Variants in TRIM54 observed in about 807,000 individuals in gnomAD.
TRIM54 encodes the protein tripartite motif containing 54, also known as tripartite motif-containing protein 54.
Under a neutral mutation model 42.0 loss-of-function variants are expected in TRIM54, and 40 were observed. The ratio of observed to expected loss-of-function variants is 0.95; its 90% CI spans 0.74 to 1.24. TRIM54 has a LOEUF of 1.24. Among genes scored for constraint, TRIM54 ranks in the 50% most tolerant of loss-of-function variants. The probability of loss-of-function intolerance (pLI) is 0.00; values close to 1 mark genes in which losing one functional copy is unlikely to be tolerated. For synonymous variants in TRIM54, 199 were observed against 194.9 expected, an observed-to-expected ratio of 1.02 and a Z score of -0.17; for missense variants, 485 against 480.3, an observed-to-expected ratio of 1.01 and a Z score of -0.09.
intron 1 of TRIM54, among the ~76,000 whole-genome samples, chr2:27,285,902 G>A (rs1181218044): frequency 6.6e-6 from 1 of 151,926 alleles, no homozygotes; most frequent in African/African-American, 2.4e-5. Flanking sequence ...AAGTTAACTA[G>A]ACAGCCAGGA....
chr2:27,290,800 A>G (rs988292139), intron 1 of TRIM54, among the ~76,000 whole-genome samples: 1 of 152,162 alleles, frequency 6.6e-6, no homozygotes, highest in Admixed American at 6.5e-5. Context: ...TGCTTCCCCT[A>G]TATTGTGCTC....
chr2:27,287,506 C>T (rs1281947651), intron 1 of TRIM54, among the ~76,000 whole-genome samples: 1 of 151,070 alleles, frequency 6.6e-6, no homozygotes, highest in East Asian at 1.9e-4. Flanking sequence ...TGTTCCTGAC[C>T]GAAAAGGGTG....
chr2:27,295,385 C>T (rs1489410606), intron 1 of TRIM54, among the ~76,000 whole-genome samples: 1 of 152,180 alleles, frequency 6.6e-6, no homozygotes, highest in Admixed American at 6.5e-5. Context: ...TGGCTCACTG[C>T]AGCCTCCACC....
At chr2:27,295,692 G>C (rs953882659) in intron 1 of TRIM54, among the ~76,000 whole-genome samples, 3 of 152,146 alleles carry the variant, frequency 2.0e-5, no homozygotes, top group African/African-American at 7.2e-5. Context: ...ATGGAGGTTG[G>C]GGAGAGCGGC....
At chr2:27,299,646 G>A (rs1678972263) in intron 3 of TRIM54, 1 of 805,972 alleles carries the variant, frequency 1.2e-6, no homozygotes. Context: ...AGAACACTAA[G>A]ATTATAGATG....
chr2:27,303,082 A>T (rs554399940), intron 3 of TRIM54, among the ~76,000 whole-genome samples: 4 of 152,292 alleles, frequency 2.6e-5, no homozygotes, highest in Admixed American at 6.5e-5. Context: ...CATAGAAGCA[A>T]AGGAAATCAG....
At chr2:27,283,784 G>GCGCACGCACACACACA (rs367621533) in intron 1 of TRIM54, among the ~76,000 whole-genome samples, 1 of 132,168 alleles carries the variant, frequency 7.6e-6, no homozygotes, top group Admixed American at 7.6e-5. Context: ...ACACACGCGC[G>GCGCACGCACACACACA]CACACACACA....
At position 27,307,433 on chromosome 2, in the gene TRIM54, G is replaced by A. The variant is rs535529151; in HGVS notation, c.*548G>A. On this transcript the variant is annotated 3_prime_UTR_variant, in exon 9 of 9. Transcript: ENST00000380075. The surrounding 1 kb of genome is among the most constrained non-coding windows in gnomAD (Gnocchi z 6.9). ...AGTACTTTTATTAAAAAATAGTCACGCAGACAGTGCCCTGGTGGCTCTGCC... is the reference window on the plus strand; with the variant it reads ...AGTACTTTTATTAAAAAATAGTCACACAGACAGTGCCCTGGTGGCTCTGCC... 42 of 1,571,926 alleles carry A rather than the reference G, an allele frequency of 2.7e-5. No homozygotes were observed. Among genetic ancestry groups the A allele is most frequent in the Admixed American group, 5.3e-5 (3 of 56,236 alleles).
At chr2:27,284,623 A>G (rs1678506123) in intron 1 of TRIM54, among the ~76,000 whole-genome samples, 1 of 151,702 alleles carries the variant, frequency 6.6e-6, no homozygotes, top group African/African-American at 2.4e-5. Flanking sequence ...TTTGCCCACC[A>G]TCTTGGTTTT....
chr2:27,304,935 A>G, intron 3 of TRIM54, 24 bp from the exon 4 acceptor site: 1 of 1,610,274 alleles, frequency 6.2e-7, no homozygotes, highest in Non-Finnish European at 8.5e-7. Flanking sequence ...CCCAGCTCTG[A>G]GTGCTGACCT....
chr2:27,305,045 G>A lies in TRIM54; in HGVS notation c.600G>A (p.Gln200=). The change falls in exon 4 of 9, where the codon CAG becomes CAA. Residue 200 remains glutamine (Q), a synonymous_variant. Coordinates refer to ENST00000380075, the MANE Select transcript of TRIM54 (RefSeq NM_187841.3). The part of the protein sequence containing the change: ...AVITQMEEVC[Q]TIEDNSRRQK... The stretch of plus-strand genomic sequence containing the variant: ...TCACACAGATGGAGGAGGTGTGCCA[G>A]ACTATCGAGGTGAGCCTGGGCTGGA... The A allele has an allele frequency of 1.2e-6, 2 of 1,613,874 alleles. No homozygotes were observed. The highest frequency in any genetic ancestry group is 1.7e-6 in the Non-Finnish European group (2 of 1,179,878).
chr2:27,299,449 A>C, intron 3 of TRIM54, 33 bp downstream of exon 3: 1 of 1,607,560 alleles, frequency 6.2e-7, no homozygotes, highest in Admixed American at 1.7e-5. Context: ...GATATGTGAG[A>C]GATGGGGGCT....
chr2:27,287,714 A>C (rs1435059093), intron 1 of TRIM54, among the ~76,000 whole-genome samples: 3 of 152,144 alleles, frequency 2.0e-5, no homozygotes, highest in Non-Finnish European at 4.4e-5. Context: ...GTTTTTGTAC[A>C]GACAAAGTCT....
In TRIM54 at chr2:27,299,355, T is replaced by C; in HGVS notation, c.452T>C (p.Val151Ala). ...CEVPTCSLCK[V>A]FGAHKDCEVA... ...GTGCCCACCTGCTCTCTCTGCAAGG[T>C]CTTCGGTGCCCACAAGGACTGTGAG... Residue 151 changes from valine (V) to alanine (A), a missense_variant, in exon 3 of 9, where the codon GTC (valine) becomes GCC (alanine). Transcript: ENST00000380075. 3.1e-6 allele frequency: 5 copies of C among 1,614,146 alleles called. No individual in the cohort carries two copies. The highest frequency in any genetic ancestry group is 4.2e-6 in the Non-Finnish European group (5 of 1,180,038).
intron 1 of TRIM54, among the ~76,000 whole-genome samples, chr2:27,290,521 C>G (rs1678692429): frequency 6.6e-6 from 1 of 152,094 alleles, no homozygotes; most frequent in Non-Finnish European, 1.5e-5. Context: ...AAAAAATTAG[C>G]CGGGCATGGT....
intron 1 of TRIM54, among the ~76,000 whole-genome samples, chr2:27,289,516 A>G (rs1040963681): frequency 5.9e-5 from 9 of 152,132 alleles, no homozygotes; most frequent in Non-Finnish European, 1.3e-4. Context: ...GGGTTTCTCC[A>G]TGTTGGTCAG....
At chr2:27,299,547 G>C (rs1209797838) in intron 3 of TRIM54, 131 bp downstream of exon 3, 6 of 1,533,044 alleles carry the variant, frequency 3.9e-6, no homozygotes, top group Admixed American at 2.0e-5. Flanking sequence ...ATCTCACTCT[G>C]TTGCCCAGGC....
chr2:27,286,185 G>A (rs936716939), intron 1 of TRIM54, among the ~76,000 whole-genome samples: 1 of 150,418 alleles, frequency 6.6e-6, no homozygotes, highest in Non-Finnish European at 1.5e-5. Flanking sequence ...TTTTGAGATG[G>A]TGTCACATTA....
chr2:27,302,344 G>A (rs534054993), intron 3 of TRIM54, among the ~76,000 whole-genome samples: 1 of 152,106 alleles, frequency 6.6e-6, no homozygotes, highest in South Asian at 2.1e-4. Context: ...CCAGCTACTC[G>A]GGAGGCTGAG....
Sources: gnomAD v4.1 joint callset for allele counts (sites outside exome capture counted in the v4.1 genomes callset) on GRCh38, gnomAD v4.1.1 for gene constraint, Gnocchi (gnomAD v3.1) non-coding constraint, MANE v1.5 for transcripts, NCBI Gene and HGNC (gene_info 2026-07-23, HGNC 2026-07-21) for gene names.